IMMP2L: variants seen among roughly 807,000 people sequenced by gnomAD.
The protein encoded by IMMP2L is mitochondrial inner membrane protease subunit 2.
In IMMP2L, 18 loss-of-function variants were observed where a neutral mutation model predicts 19.3. The observed-to-expected ratio is 0.93, with a 90% CI of 0.64 to 1.38. The LOEUF (loss-of-function observed/expected upper bound fraction) is 1.38. Among genes scored for constraint, IMMP2L ranks in the 40% most tolerant of loss-of-function variants. The pLI is 0.00. For synonymous variants in IMMP2L, 76 were observed against 73.0 expected (o/e 1.04, Z -0.21); for missense variants, 233 against 218.2 (o/e 1.07, Z -0.43).
At chr7:110,909,794 C>T (rs1272960338) in intron 4 of IMMP2L, among the ~76,000 whole-genome samples, 1 of 151,992 alleles carries the variant, frequency 6.6e-6, no homozygotes, top group African/African-American at 2.4e-5. Flanking sequence ...CTCTACCTAC[C>T]TTTCCCACCA....
At chr7:111,454,742 C>A (rs1055831121) in intron 3 of IMMP2L, among the ~76,000 whole-genome samples, 1 of 151,522 alleles carries the variant, frequency 6.6e-6, no homozygotes, top group Non-Finnish European at 1.5e-5. Context: ...TTTTAAGTTT[C>A]TCTTTACCCA....
At chr7:111,189,270 A>G (rs1292707904) in intron 3 of IMMP2L, among the ~76,000 whole-genome samples, 1 of 152,154 alleles carries the variant, frequency 6.6e-6, no homozygotes, top group African/African-American at 2.4e-5. Context: ...GTGTCTCAAA[A>G]GCAGAAACTT....
At chr7:111,078,017 CT>C (rs932492239) in intron 3 of IMMP2L, among the ~76,000 whole-genome samples, 1 of 152,164 alleles carries the variant, frequency 6.6e-6, no homozygotes. Flanking sequence ...AATAATCCCT[CT>C]TTGTTATTCA....
At chr7:111,355,643 C>T (rs37656) in intron 3 of IMMP2L, among the ~76,000 whole-genome samples, 30,478 of 151,726 alleles carry the variant, frequency 0.2, 4,976 homozygotes, top group African/African-American at 0.45. Context: ...CTTCTGGTCA[C>T]TCATAAGATG....
chr7:111,209,131 C>T (rs1811030580), intron 3 of IMMP2L, among the ~76,000 whole-genome samples: 1 of 152,110 alleles, frequency 6.6e-6, no homozygotes, highest in Admixed American at 6.5e-5. Context: ...GTGGCTCACG[C>T]CTGTAATCCC....
At chr7:111,148,222 G>C (rs1803689729) in intron 3 of IMMP2L, among the ~76,000 whole-genome samples, 1 of 152,098 alleles carries the variant, frequency 6.6e-6, no homozygotes, top group Admixed American at 6.6e-5. Flanking sequence ...GTGGAATCTT[G>C]AAAACATTAT....
At chr7:111,519,416 C>T (rs1405670640) in intron 2 of IMMP2L, among the ~76,000 whole-genome samples, 1 of 152,080 alleles carries the variant, frequency 6.6e-6, no homozygotes, top group Admixed American at 6.6e-5. Flanking sequence ...GGAAACTATA[C>T]AATATACCAA....
intron 3 of IMMP2L, among the ~76,000 whole-genome samples, chr7:111,136,613 G>T (rs1016925626): frequency 2.0e-5 from 3 of 152,136 alleles, no homozygotes; most frequent in African/African-American, 7.2e-5. Context: ...TATAGTACCA[G>T]AAATTGGATG....
chr7:111,209,998 G>A lies in IMMP2L; in HGVS notation c.240-246433C>T, dbSNP rs373005231. Among the ~76,000 whole-genome samples the A allele has an allele frequency of 1.1e-4, 16 of 152,292 alleles. No homozygotes were observed. In the East Asian group the frequency reaches 2.3e-3, roughly 22 times the overall value. On this transcript the variant is annotated intron_variant, in intron 3 of 5. Coordinates refer to ENST00000405709, the MANE Select transcript of IMMP2L (RefSeq NM_032549.4). ...TGTCCCCTCAGAGTCCAAGCAAGGT[G>A]TTCTTTGCCGAGAGTGAATAATCAA...
chr7:111,378,003 A>T (rs920510526), intron 3 of IMMP2L, among the ~76,000 whole-genome samples: 2 of 151,792 alleles, frequency 1.3e-5, no homozygotes, highest in South Asian at 2.1e-4. Context: ...AGAATCCATT[A>T]AAAAAAATCA....
At chr7:110,669,478 G>A (rs1001764437) in intron 5 of IMMP2L, among the ~76,000 whole-genome samples, 2 of 152,132 alleles carry the variant, frequency 1.3e-5, no homozygotes, top group East Asian at 1.9e-4. Flanking sequence ...AGAAACATCC[G>A]GAATAATGCT....
At chr7:110,883,280 G>A (rs2129545177) in intron 5 of IMMP2L, among the ~76,000 whole-genome samples, 1 of 151,996 alleles carries the variant, frequency 6.6e-6, no homozygotes, top group East Asian at 1.9e-4. Context: ...ACAGTTGTCT[G>A]TTTATCATCA....
chr7:110,676,065 T>C (rs563097001), intron 5 of IMMP2L, among the ~76,000 whole-genome samples: 82 of 152,142 alleles, frequency 5.4e-4, no homozygotes, highest in Non-Finnish European at 9.4e-4. Context: ...AATTACTAAG[T>C]AACATGATGA....
chr7:110,794,813 TATAA>T (rs754108390), intron 5 of IMMP2L, among the ~76,000 whole-genome samples: 20 of 152,072 alleles, frequency 1.3e-4, no homozygotes, highest in Non-Finnish European at 2.4e-4. Context: ...CTTCATTAAA[TATAA>T]ATAAATAACG....
intron 3 of IMMP2L, among the ~76,000 whole-genome samples, chr7:111,273,798 G>A (rs1818734094): frequency 6.6e-6 from 1 of 152,030 alleles, no homozygotes; most frequent in Non-Finnish European, 1.5e-5. Context: ...ATTATGTTTG[G>A]CTGGAGCATA....
chr7:111,426,956 G>C (rs1056260907), intron 3 of IMMP2L, among the ~76,000 whole-genome samples: 2 of 151,220 alleles, frequency 1.3e-5, no homozygotes, highest in South Asian at 4.2e-4. Context: ...ACTGAGGTGA[G>C]CCAGAATTCA....
At chr7:110,867,935 G>A (rs1325213336) in intron 5 of IMMP2L, among the ~76,000 whole-genome samples, 1 of 151,924 alleles carries the variant, frequency 6.6e-6, no homozygotes, top group African/African-American at 2.4e-5. Flanking sequence ...GCTCAGTCAT[G>A]GTGTTGTCAC....
At chr7:110,795,726 C>A (rs1274442043) in intron 5 of IMMP2L, among the ~76,000 whole-genome samples, 1 of 152,064 alleles carries the variant, frequency 6.6e-6, no homozygotes, top group Non-Finnish European at 1.5e-5. Flanking sequence ...GGGAATCACA[C>A]TAAGATTTTT....
chr7:111,047,609 C>T (rs1224874719), intron 3 of IMMP2L, among the ~76,000 whole-genome samples: 6 of 152,110 alleles, frequency 3.9e-5, no homozygotes, highest in African/African-American at 7.2e-5. Context: ...CTTTTCTCAC[C>T]GTATGTACTC....
Sources: gnomAD v4.1 joint callset for allele counts (sites outside exome capture counted in the v4.1 genomes callset) on GRCh38, gnomAD v4.1.1 for gene constraint, MANE v1.5 for transcripts, NCBI Gene and HGNC (gene_info 2026-07-23, HGNC 2026-07-21) for gene names.